Variants in KCNQ1 observed in about 807,000 individuals in gnomAD.
The protein encoded by KCNQ1 is potassium voltage-gated channel subfamily KQT member 1.
A neutral mutation model predicts 72.4 loss-of-function variants in KCNQ1; 49 were observed. The observed-to-expected ratio is 0.68, with a 90% CI of 0.54 to 0.86. The LOEUF (loss-of-function observed/expected upper bound fraction) is 0.86, where lower values mean the gene tolerates loss of function less well. KCNQ1 is among the 40% of genes least tolerant of loss of function. The pLI is 0.00. For synonymous variants in KCNQ1, 450 were observed against 412.6 expected (o/e 1.09, Z -1.10); for missense variants, 790 against 945.1 (o/e 0.84, Z 2.15).
At chr11:2,699,432 C>G (rs1850735374) in intron 11 of KCNQ1, 1 of 402,204 alleles carries the variant, frequency 2.5e-6, no homozygotes, top group Admixed American at 4.4e-5. Flanking sequence ...TGAGGAGAGT[C>G]TGGGAGAACC....
chr11:2,815,892 G>A lies in KCNQ1; in HGVS notation c.1795-31875G>A, dbSNP rs988682699. 6.6e-6 allele frequency among the ~76,000 whole-genome samples: 1 copy of A among 152,190 alleles called. No homozygotes were observed. Among genetic ancestry groups the A allele is most frequent in the East Asian group, 1.9e-4 (1 of 5,192 alleles). On this transcript the variant is annotated intron_variant, in intron 15 of 15. Transcript: ENST00000155840. This position sits in a 1 kb window ranked among gnomAD's most constrained non-coding sequence, Gnocchi z 5.4. ...CAGGCTGTATCTAACAGCTGCCTGT[G>A]CCGAAAAATTAAGCACCGCTGAGTC... is the stretch of plus-strand genomic sequence containing the variant.
At chr11:2,500,470 T>C (rs1422264890) in intron 1 of KCNQ1, among the ~76,000 whole-genome samples, 2 of 152,204 alleles carry the variant, frequency 1.3e-5, no homozygotes, top group African/African-American at 4.8e-5. Context: ...AGTGTGGCAA[T>C]TCCTCAAGGA....
intron 11 of KCNQ1, among the ~76,000 whole-genome samples, chr11:2,726,922 C>T (rs903115631): frequency 3.3e-5 from 5 of 152,158 alleles, no homozygotes; most frequent in Admixed American, 6.5e-5. Flanking sequence ...AGAAAGGGAA[C>T]ACATTTGCCT....
chr11:2,813,641 C>T lies in KCNQ1; in HGVS notation c.1795-34126C>T, dbSNP rs551361462. On this transcript the variant is annotated intron_variant, in intron 15 of 15. Transcript: ENST00000155840. This position sits in a 1 kb window ranked among gnomAD's most constrained non-coding sequence, Gnocchi z 4.4. ...GGAACAGAGGGGAGGACCAACATCT[C>T]GGCTGATCCTGGTCTATTTTTAGTC... Among the ~76,000 whole-genome samples, 6 of 152,168 alleles carry T rather than the reference C, an allele frequency of 3.9e-5. No individual in the cohort carries two copies. In the South Asian group the frequency reaches 1.0e-3, roughly 26 times the overall value.
Position 2,642,785 on chromosome 11 carries a change from A to C in KCNQ1, c.1394-19176A>C, listed in dbSNP as rs1207195691. 1 of 397,506 alleles carries C rather than the reference A, an allele frequency of 2.5e-6. No homozygotes were observed. The highest frequency in any genetic ancestry group is 4.4e-6 in the Non-Finnish European group (1 of 225,606). 24.6% of individuals were successfully genotyped at this position (397,506 alleles called of 1,614,324 possible). A position where few individuals can be genotyped will look rare whatever the true frequency, so the allele number is the denominator to read the frequency against. ...ATTTAAGATCTTTTCTACCTTTTTT[A>C]ATGGAGGCATTTATTACAATAAACT... is the stretch of plus-strand genomic sequence containing the variant. On this transcript the variant is annotated intron_variant, in intron 10 of 15. Coordinates refer to ENST00000155840, the MANE Select transcript of KCNQ1 (RefSeq NM_000218.3). This position sits in a 1 kb window ranked among gnomAD's most constrained non-coding sequence, Gnocchi z 4.3.
At chr11:2,635,561 A>G (rs1003188124) in intron 10 of KCNQ1, 9 of 152,200 alleles carry the variant, frequency 5.9e-5, no homozygotes, top group Admixed American at 5.9e-4. Flanking sequence ...TGGTACCAGT[A>G]CCATGCTGTT....
At position 2,678,560 on chromosome 11, in the gene KCNQ1, A is replaced by G. The variant is rs775253695; in HGVS notation, c.1514+16479A>G. Reference sequence around the variant, plus strand: ...TGATAGGCCAGAGCTCAGTTATTTTAATTATGTAACTTTATGATGCACTTA... The same window carrying G: ...TGATAGGCCAGAGCTCAGTTATTTTGATTATGTAACTTTATGATGCACTTA... On this transcript the variant is annotated intron_variant, in intron 11 of 15. Coordinates refer to ENST00000155840, the MANE Select transcript of KCNQ1 (RefSeq NM_000218.3). This position sits in a 1 kb window ranked among gnomAD's most constrained non-coding sequence, Gnocchi z 4.9. 1.0e-5 allele frequency: 4 copies of G among 398,556 alleles called. No homozygotes were observed. Among genetic ancestry groups the G allele is most frequent in the Non-Finnish European group, 1.8e-5 (4 of 226,054 alleles). The allele number at this position is 398,556 out of a possible 1,614,324, so 24.7% of individuals were successfully genotyped here. A position where few individuals can be genotyped will look rare whatever the true frequency, so the allele number is the denominator to read the frequency against.
intron 10 of KCNQ1, chr11:2,614,402 C>T (rs1016101508): frequency 1.0e-5 from 4 of 398,384 alleles, no homozygotes; most frequent in Middle Eastern, 6.2e-4. Context: ...AATTCAGTGT[C>T]ACTTAGTACA....
In KCNQ1 at chr11:2,620,824, C is replaced by G. The variant is rs1849157316; in HGVS notation, c.1393+31970C>G. 2.5e-6 allele frequency: 1 copy of G among 398,566 alleles called. No individual in the cohort carries two copies. Among genetic ancestry groups the G allele is most frequent in the Non-Finnish European group, 4.4e-6 (1 of 226,078 alleles). The allele number at this position is 398,566 out of a possible 1,614,324, so 24.7% of individuals were successfully genotyped here. On this transcript the variant is annotated intron_variant, in intron 10 of 15. Coordinates refer to ENST00000155840, the MANE Select transcript of KCNQ1 (RefSeq NM_000218.3). This position sits in a 1 kb window ranked among gnomAD's most constrained non-coding sequence, Gnocchi z 4.5. ...TCCTGCCAACAGTGTATAAGCGTTCCCTTTTCTCTGCAGCCTTCCCAGCAA... is the reference window on the plus strand; with the variant it reads ...TCCTGCCAACAGTGTATAAGCGTTCGCTTTTCTCTGCAGCCTTCCCAGCAA...
At chr11:2,545,081 TATG>T (rs1169811525) in intron 2 of KCNQ1, among the ~76,000 whole-genome samples, 7 of 152,252 alleles carry the variant, frequency 4.6e-5, no homozygotes, top group Admixed American at 3.3e-4. Flanking sequence ...AGTCTCTTAA[TATG>T]ATAATTACAC....
intron 1 of KCNQ1, 92 bp from the exon 2 acceptor site, chr11:2,527,836 C>T (rs1052449543): frequency 1.9e-5 from 20 of 1,045,392 alleles, no homozygotes; most frequent in East Asian, 4.7e-5. Flanking sequence ...TACCTGGGGG[C>T]GGGGCTGAGG....
In KCNQ1 at chr11:2,647,427, G is replaced by A. The variant is rs1849683438; in HGVS notation, c.1394-14534G>A. The A allele has an allele frequency of 2.5e-6, 1 of 398,524 alleles. No homozygotes were observed. Among genetic ancestry groups the A allele is most frequent in the East Asian group, 3.6e-5 (1 of 28,052 alleles). The allele number at this position is 398,524 out of a possible 1,614,324, so 24.7% of individuals were successfully genotyped here. A position where few individuals can be genotyped will look rare whatever the true frequency, so the allele number is the denominator to read the frequency against. On this transcript the variant is annotated intron_variant, in intron 10 of 15. Transcript: ENST00000155840. The surrounding 1 kb of genome is among the most constrained non-coding windows in gnomAD (Gnocchi z 4.0). The stretch of plus-strand genomic sequence containing the variant: ...TTGTTTCTGAGGATTCTGCATCTAT[G>A]TTCATCAGGGAGATTGGCCTGTAGT...
intron 10 of KCNQ1, chr11:2,634,107 T>C: frequency 2.5e-6 from 1 of 398,116 alleles, no homozygotes; most frequent in Non-Finnish European, 4.4e-6. Flanking sequence ...ATTGTGTTTT[T>C]GCTATTTCGG....
In KCNQ1 at chr11:2,682,162, ATCAAGCTC is replaced by A; in HGVS notation, c.1514+20084_1514+20091del. The A allele has an allele frequency of 2.5e-6, 1 of 398,594 alleles. No homozygotes were observed. Among genetic ancestry groups the A allele is most frequent in the South Asian group, 1.3e-4 (1 of 7,850 alleles). 24.7% of individuals were successfully genotyped at this position (398,594 alleles called of 1,614,324 possible). A position where few individuals can be genotyped will look rare whatever the true frequency, so the allele number is the denominator to read the frequency against. On this transcript the variant is annotated intron_variant, in intron 11 of 15. Coordinates refer to ENST00000155840, the MANE Select transcript of KCNQ1 (RefSeq NM_000218.3). This position sits in a 1 kb window ranked among gnomAD's most constrained non-coding sequence, Gnocchi z 5.8. ...CAAATATTCTTTCAGTATTAAACAT[ATCAAGCTC>A]TCTCCTGACCTTCTCTCCCCTTCCC...
chr11:2,630,576 A>G, intron 10 of KCNQ1: 1 of 398,220 alleles, frequency 2.5e-6, no homozygotes, highest in Non-Finnish European at 4.4e-6. Context: ...ATTTTTAATT[A>G]TTTTTCTTTT....
At chr11:2,802,318 C>T (rs1470683927) in intron 15 of KCNQ1, among the ~76,000 whole-genome samples, 2 of 152,218 alleles carry the variant, frequency 1.3e-5, no homozygotes, top group African/African-American at 4.8e-5. Context: ...CTGTCGCCAG[C>T]CGGCAGCACT....
At position 2,785,010 on chromosome 11, in the gene KCNQ1, A is replaced by G. The variant is rs1220407801; in HGVS notation, c.1794+6973A>G. ...TACTTCTTTCCAGTCAGATGCCTTT[A>G]ATTTCTTTGTTTTGCCTAATTGCAC... On this transcript the variant is annotated intron_variant, in intron 15 of 15. Coordinates refer to ENST00000155840, the MANE Select transcript of KCNQ1 (RefSeq NM_000218.3). The surrounding 1 kb of genome is among the most constrained non-coding windows in gnomAD (Gnocchi z 4.4). 6.6e-6 allele frequency among the ~76,000 whole-genome samples: 1 copy of G among 151,998 alleles called. No homozygotes were observed. Among genetic ancestry groups the G allele is most frequent in the Non-Finnish European group, 1.5e-5 (1 of 67,854 alleles).
chr11:2,661,566 A>G lies in KCNQ1; in HGVS notation c.1394-395A>G, dbSNP rs1460187972. 5 of 548,304 alleles carry G rather than the reference A, an allele frequency of 9.1e-6. No individual in the cohort carries two copies. Among genetic ancestry groups the G allele is most frequent in the Non-Finnish European group, 1.6e-5 (5 of 308,966 alleles). 34.0% of individuals were successfully genotyped at this position (548,304 alleles called of 1,614,324 possible). Reference sequence around the variant, plus strand: ...ACTCTGTCAATGTATGAGTGTGACAATGTATGGTGGTGGGAGCTGTTGTCC... The same window carrying G: ...ACTCTGTCAATGTATGAGTGTGACAGTGTATGGTGGTGGGAGCTGTTGTCC... On this transcript the variant is annotated intron_variant, in intron 10 of 15. Transcript: ENST00000155840. The surrounding 1 kb of genome is among the most constrained non-coding windows in gnomAD (Gnocchi z 5.9).
intron 1 of KCNQ1, chr11:2,461,710 A>G: frequency 1.5e-6 from 2 of 1,367,034 alleles, no homozygotes; most frequent in Non-Finnish European, 9.8e-7. Flanking sequence ...GGGGCCTGGC[A>G]TGGAGTAGGT....
Sources: gnomAD v4.1 joint callset for allele counts (sites outside exome capture counted in the v4.1 genomes callset) on GRCh38, gnomAD v4.1.1 for gene constraint, Gnocchi (gnomAD v3.1) non-coding constraint, MANE v1.5 for transcripts, NCBI Gene and HGNC (gene_info 2026-07-23, HGNC 2026-07-21) for gene names.